OCIAD1: variants seen among roughly 807,000 people sequenced by gnomAD.
OCIAD1 encodes OCIA domain-containing protein 1.
OCIAD1 carries 29 observed loss-of-function variants against 38.9 expected under a neutral mutation model. That is an observed-to-expected ratio of 0.74 (90% CI 0.55 to 1.02). OCIAD1 has a LOEUF of 1.02. OCIAD1 is among the 50% of genes least tolerant of loss of function. The probability of loss-of-function intolerance (pLI) is 0.00; values close to 1 mark genes in which losing one functional copy is unlikely to be tolerated. For missense variants in OCIAD1, 288 were observed against 289.6 expected, an observed-to-expected ratio of 0.99 and a Z score of 0.04; for synonymous variants, 110 against 92.0, an observed-to-expected ratio of 1.20 and a Z score of -1.12.
In OCIAD1 at chr4:48,860,722, TA is replaced by T; in HGVS notation, c.701-2del. On this transcript the variant is annotated splice_acceptor_variant, in intron 8 of 8. Coordinates refer to ENST00000264312, the MANE Select transcript of OCIAD1 (RefSeq NM_017830.4). LOFTEE classifies it high-confidence loss of function. ...TCATCAATTATTTATGCTTTTTTCCTAGTCAAAGTAAACAAGTATGGAGATA... is the reference window on the plus strand; with the variant it reads ...TCATCAATTATTTATGCTTTTTTCCTGTCAAAGTAAACAAGTATGGAGATA... The T allele has an allele frequency of 6.3e-7, 1 of 1,590,674 alleles. No individual in the cohort carries two copies. Among genetic ancestry groups the T allele is most frequent in the Non-Finnish European group, 8.6e-7 (1 of 1,159,880 alleles).
intron 8 of OCIAD1, 27 bp from the exon 9 acceptor site, chr4:48,860,698 C>A (rs749439621): frequency 2.6e-6 from 4 of 1,510,928 alleles, no homozygotes; most frequent in East Asian, 2.3e-5. Context: ...TGCTTGGAAT[C>A]ATCAATTATT....
chr4:48,815,677 C>G (rs1264746230), intron 1 of OCIAD1, among the ~76,000 whole-genome samples: 6 of 152,194 alleles, frequency 3.9e-5, no homozygotes, highest in Non-Finnish European at 8.8e-5. Flanking sequence ...ATTCTCAAAT[C>G]TCTACTCCAC....
At chr4:48,858,394 A>C (rs1396035597) in intron 8 of OCIAD1, among the ~76,000 whole-genome samples, 1 of 152,062 alleles carries the variant, frequency 6.6e-6, no homozygotes, top group Non-Finnish European at 1.5e-5. Flanking sequence ...CCACAGAATG[A>C]TTGAGTAATG....
chr4:48,860,176 TTTC>T (rs1780471240), intron 8 of OCIAD1: 1 of 152,484 alleles, frequency 6.6e-6, no homozygotes, highest in Non-Finnish European at 1.5e-5. Flanking sequence ...GTAGTAGTAT[TTTC>T]TTCTTATAGT....
chr4:48,823,539 T>C (rs999780282), intron 1 of OCIAD1, among the ~76,000 whole-genome samples: 1 of 151,594 alleles, frequency 6.6e-6, no homozygotes, highest in Non-Finnish European at 1.5e-5. Context: ...TCTCCACATG[T>C]ACCCCAGAAC....
chr4:48,853,072 G>C (rs1779679470), intron 7 of OCIAD1, among the ~76,000 whole-genome samples: 2 of 151,700 alleles, frequency 1.3e-5, no homozygotes, highest in Admixed American at 1.3e-4. Context: ...GTAGAGATGG[G>C]GTTTCACTGT....
chr4:48,842,605 T>C, intron 3 of OCIAD1, 31 bp from the exon 4 acceptor site: 2 of 1,466,386 alleles, frequency 1.4e-6, no homozygotes, highest in Non-Finnish European at 1.9e-6. Context: ...TTACTTTTGT[T>C]GATGTTAACA....
intron 3 of OCIAD1, among the ~76,000 whole-genome samples, chr4:48,839,952 C>CA (rs1778374414): frequency 6.6e-6 from 1 of 152,200 alleles, no homozygotes; most frequent in Non-Finnish European, 1.5e-5. Context: ...AACTAACCAG[C>CA]TGTGTTGCTT....
In OCIAD1 at chr4:48,861,679, CTG is replaced by C. The variant is rs1780603265; in HGVS notation, c.*921_*922del. 1.3e-5 allele frequency: 2 copies of C among 152,052 alleles called. No individual in the cohort carries two copies. Among genetic ancestry groups the C allele is most frequent in the Admixed American group, 1.3e-4 (2 of 15,272 alleles). The allele number at this position is 152,052 out of a possible 1,614,324, so 9.4% of individuals were successfully genotyped here. On this transcript the variant is annotated 3_prime_UTR_variant, in exon 9 of 9. Transcript: ENST00000264312. ...CCAGCCTGTGCGACTGAGTGAGACC[CTG>C]TGTCTAAAAAAATAAAAATATAATG...
intron 7 of OCIAD1, among the ~76,000 whole-genome samples, chr4:48,852,887 T>TTGTTTTTGTTTTTG (rs1275823938): frequency 3.6e-5 from 5 of 140,430 alleles, no homozygotes; most frequent in Admixed American, 2.1e-4. Context: ...TTTTTGTTTT[T>TTGTTTTTGTTTTTG]TTTTTTTTTT....
chr4:48,835,442 A>G (rs1396188434), intron 3 of OCIAD1, among the ~76,000 whole-genome samples: 3 of 152,202 alleles, frequency 2.0e-5, no homozygotes, highest in African/African-American at 7.2e-5. Flanking sequence ...GAAGCCTCTT[A>G]CAATTTTACA....
chr4:48,832,721 C>CT, intron 2 of OCIAD1, 39 bp downstream of exon 2: 1 of 1,494,966 alleles, frequency 6.7e-7, no homozygotes, highest in Non-Finnish European at 9.3e-7. Context: ...GAAGCACTTC[C>CT]TATGTAAAGG....
Position 48,833,500 on chromosome 4 carries a change from T to C in OCIAD1, c.139+19T>C. The C allele has an allele frequency of 1.4e-6, 2 of 1,451,730 alleles. No homozygotes were observed. Among genetic ancestry groups the C allele is most frequent in the Admixed American group, 3.8e-5 (2 of 52,108 alleles). The allele number at this position is 1,451,730 out of a possible 1,614,324, so 89.9% of individuals were successfully genotyped here. Reference sequence around the variant, plus strand: ...TTCAGATGTGAGTTCAATTTTCTAATTAATATAATTTGATCCAAAATTTGT... The same window carrying C: ...TTCAGATGTGAGTTCAATTTTCTAACTAATATAATTTGATCCAAAATTTGT... On this transcript the variant is annotated intron_variant, in intron 3 of 8. Coordinates refer to ENST00000264312, the MANE Select transcript of OCIAD1 (RefSeq NM_017830.4).
chr4:48,816,781 A>G (rs1777147662), intron 1 of OCIAD1, among the ~76,000 whole-genome samples: 1 of 150,436 alleles, frequency 6.6e-6, no homozygotes, highest in Non-Finnish European at 1.5e-5. Flanking sequence ...GACCAGCCTG[A>G]CCAACATGGC....
In OCIAD1 at chr4:48,851,851, A is replaced by G. The variant is rs138743208; in HGVS notation, c.423A>G (p.Gln141=). The G allele has an allele frequency of 1.0e-4, 167 of 1,613,640 alleles. 4 individuals carry two copies. Among genetic ancestry groups the G allele is most frequent in the South Asian group, 7.5e-4 (68 of 91,028 alleles). The change falls in exon 7 of 9, where the codon CAA becomes CAG. Residue 141 remains glutamine, a synonymous_variant. Coordinates refer to ENST00000264312, the MANE Select transcript of OCIAD1 (RefSeq NM_017830.4). ...KSKYDSSVSG[Q]SSFVTSPAAD... ...AATATGACTCAAGTGTGAGTGGTCAATCATCTTTTGTGACATCCCCAGCAG... is the reference window on the plus strand; with the variant it reads ...AATATGACTCAAGTGTGAGTGGTCAGTCATCTTTTGTGACATCCCCAGCAG...
chr4:48,857,075 T>C, intron 7 of OCIAD1, 138 bp from the exon 8 acceptor site: 2 of 412,404 alleles, frequency 4.8e-6, no homozygotes, highest in Non-Finnish European at 4.4e-6. Flanking sequence ...GTATAGTACC[T>C]GTGAAATGGT....
chr4:48,859,186 CAA>C (rs1215883861), intron 8 of OCIAD1, among the ~76,000 whole-genome samples: 1 of 151,624 alleles, frequency 6.6e-6, no homozygotes, highest in Non-Finnish European at 1.5e-5. Flanking sequence ...GTTTTTATAA[CAA>C]TGATAGATAA....
chr4:48,848,977 G>A (rs1405115801), intron 5 of OCIAD1, among the ~76,000 whole-genome samples: 1 of 152,094 alleles, frequency 6.6e-6, no homozygotes, highest in Non-Finnish European at 1.5e-5. Context: ...AAAAAAGGAT[G>A]AGTTCATGTC....
chr4:48,847,646 A>G (rs1779085741), intron 4 of OCIAD1, among the ~76,000 whole-genome samples: 1 of 152,218 alleles, frequency 6.6e-6, no homozygotes, highest in African/African-American at 2.4e-5. Flanking sequence ...TATATTTGAA[A>G]GGACTATGCT....
Sources: gnomAD v4.1 joint callset for allele counts (sites outside exome capture counted in the v4.1 genomes callset) on GRCh38, gnomAD v4.1.1 for gene constraint, MANE v1.5 for transcripts, NCBI Gene and HGNC (gene_info 2026-07-23, HGNC 2026-07-21) for gene names.